Variants in CEP63 observed in about 807,000 individuals in gnomAD.
CEP63 encodes the protein centrosomal protein 63.
CEP63 carries 84 observed loss-of-function variants against 89.1 expected under a neutral mutation model. The ratio of observed to expected loss-of-function variants is 0.94; its 90% CI spans 0.79 to 1.13. The LOEUF is 1.13. Among genes scored for constraint, CEP63 ranks in the 50% most tolerant of loss-of-function variants. The pLI is 0.00. For synonymous variants in CEP63, 267 were observed against 272.5 expected, an observed-to-expected ratio of 0.98 and a Z score of 0.20; for missense variants, 838 against 813.3, an observed-to-expected ratio of 1.03 and a Z score of -0.37.
chr3:134,489,964 T>C (rs1937050527), intron 1 of CEP63, among the ~76,000 whole-genome samples: 1 of 152,198 alleles, frequency 6.6e-6, no homozygotes, highest in Non-Finnish European at 1.5e-5. Context: ...CCTATTCCAT[T>C]TGATATGACC....
chr3:134,547,452 G>A lies in CEP63; in HGVS notation c.1047G>A (p.Glu349=), dbSNP rs754219843. Residue 349 remains glutamate (E), a synonymous_variant, in exon 9 of 15, where the codon GAG becomes GAA. Coordinates refer to ENST00000675561, the MANE Select transcript of CEP63 (RefSeq NM_001353108.3). ...THTSEDLLQA[E]VTCLEGSLES... is the part of the protein sequence containing the mutation. Reference sequence around the variant, plus strand: ...CTAGTGAGGACCTTCTGCAGGCAGAGGTGACTTGTCTTGAAGGCAGGTACA... The same window carrying A: ...CTAGTGAGGACCTTCTGCAGGCAGAAGTGACTTGTCTTGAAGGCAGGTACA... 21 of 1,613,622 alleles carry A rather than the reference G, an allele frequency of 1.3e-5. No individual in the cohort carries two copies. The Middle Eastern group carries it at 4.9e-4, about 38-fold the overall frequency.
At chr3:134,775,329 C>G in the CEP63 span, among the ~76,000 whole-genome samples, 5 of 152,170 alleles carry the variant, frequency 3.3e-5, no homozygotes, top group Admixed American at 3.3e-4. Flanking sequence ...TCAGCCCAAT[C>G]CCCTGAGGGA....
downstream of CEP63, among the ~76,000 whole-genome samples, chr3:134,591,949 G>C (rs13322305): frequency 1.3e-5 from 2 of 151,974 alleles, no homozygotes; most frequent in Admixed American, 6.5e-5. Flanking sequence ...AGCTATCTAC[G>C]GCTGTGTAAC....
the CEP63 span, among the ~76,000 whole-genome samples, chr3:134,602,429 G>A: frequency 9.2e-5 from 14 of 152,178 alleles, no homozygotes; most frequent in African/African-American, 3.1e-4. Context: ...TCTCAGAGAA[G>A]GGAGGAAAGG....
the CEP63 span, among the ~76,000 whole-genome samples, chr3:134,646,924 C>T: frequency 1.3e-5 from 2 of 152,068 alleles, no homozygotes; most frequent in Non-Finnish European, 2.9e-5. Context: ...AGATCCTGGG[C>T]CTGGGGTGGC....
upstream of CEP63, chr3:134,486,016 G>A (rs954281761): frequency 2.3e-5 from 22 of 948,250 alleles, no homozygotes; most frequent in African/African-American, 4.0e-4. Context: ...CCCGCATCAC[G>A]TGTCTGCACT....
chr3:134,532,812 A>G lies in CEP63; in HGVS notation c.353A>G (p.Gln118Arg). ...CILKRSYEKLQKKQMREFRGN... is the reference protein window; with the variant it reads ...CILKRSYEKLRKKQMREFRGN... ...CTGAAGAGAAGCTATGAAAAGCTTCAGAAAAAGCAAATGAGGGAATTCAGA... is the reference window on the plus strand; with the variant it reads ...CTGAAGAGAAGCTATGAAAAGCTTCGGAAAAAGCAAATGAGGGAATTCAGA... The change falls in exon 5 of 15, where the codon CAG becomes CGG. Residue 118 changes from glutamine to arginine, a missense_variant. Coordinates refer to ENST00000675561, the MANE Select transcript of CEP63 (RefSeq NM_001353108.3). 1 of 1,610,710 alleles carries G rather than the reference A, an allele frequency of 6.2e-7. No individual in the cohort carries two copies. Among genetic ancestry groups the G allele is most frequent in the Non-Finnish European group, 8.5e-7 (1 of 1,177,182 alleles).
chr3:134,739,067 G>C, the CEP63 span, among the ~76,000 whole-genome samples: 1 of 152,154 alleles, frequency 6.6e-6, no homozygotes, highest in Admixed American at 6.5e-5. Context: ...AGCCACTTTG[G>C]AAAACAGTAT....
the CEP63 span, chr3:134,607,977 C>T: frequency 9.9e-7 from 1 of 1,014,750 alleles, no homozygotes; most frequent in Non-Finnish European, 1.2e-6. Context: ...ACATGTCCAT[C>T]TCTGTCTAGC....
chr3:134,578,990 T>TAGG (rs1958283741), downstream of CEP63, among the ~76,000 whole-genome samples: 2 of 152,158 alleles, frequency 1.3e-5, no homozygotes, highest in Non-Finnish European at 2.9e-5. Flanking sequence ...ACTTCTGACC[T>TAGG]CAAGTGATCC....
At chr3:134,764,362 C>T in the CEP63 span, among the ~76,000 whole-genome samples, 1 of 152,182 alleles carries the variant, frequency 6.6e-6, no homozygotes, top group African/African-American at 2.4e-5. Flanking sequence ...ATAGACAGTT[C>T]TTTGCCTCAC....
chr3:134,780,576 C>T, the CEP63 span: 1 of 152,186 alleles, frequency 6.6e-6, no homozygotes, highest in Non-Finnish European at 1.5e-5. Context: ...GCAGAGGAGC[C>T]GTGCTAATCT....
At chr3:134,681,572 C>T in the CEP63 span, among the ~76,000 whole-genome samples, 1 of 152,282 alleles carries the variant, frequency 6.6e-6, no homozygotes, top group East Asian at 1.9e-4. Flanking sequence ...GGAAGGACTA[C>T]TGTGAAGCTA....
chr3:134,566,504 A>G (rs941175353), downstream of CEP63, among the ~76,000 whole-genome samples: 1 of 152,166 alleles, frequency 6.6e-6, no homozygotes, highest in Non-Finnish European at 1.5e-5. Flanking sequence ...GGGGAGAGAC[A>G]TAAAATTGGA....
chr3:134,566,151 G>A (rs1401807983), downstream of CEP63, among the ~76,000 whole-genome samples: 1 of 151,278 alleles, frequency 6.6e-6, no homozygotes, highest in Non-Finnish European at 1.5e-5. Context: ...CCCTCTCTGT[G>A]AGGAACTAGA....
chr3:134,495,674 A>G (rs532101124), intron 2 of CEP63, among the ~76,000 whole-genome samples: 8 of 152,340 alleles, frequency 5.3e-5, no homozygotes, highest in African/African-American at 1.9e-4. Flanking sequence ...ATTTAACACT[A>G]GAGCTTACTC....
the CEP63 span, among the ~76,000 whole-genome samples, chr3:134,779,422 A>G: frequency 4.9e-4 from 75 of 152,266 alleles, no homozygotes; most frequent in African/African-American, 1.8e-3. Flanking sequence ...TTGTGAGCCT[A>G]TAAGCTTTCT....
At chr3:134,635,493 T>TTAAAA in the CEP63 span, among the ~76,000 whole-genome samples, 9 of 79,334 alleles carry the variant, frequency 1.1e-4, no homozygotes, top group Middle Eastern at 0.03. Context: ...CGAGACTCTG[T>TTAAAA]AAAAAAAAAA....
At chr3:134,559,916 G>T (rs1427765883) in intron 14 of CEP63, among the ~76,000 whole-genome samples, 3 of 152,198 alleles carry the variant, frequency 2.0e-5, no homozygotes, top group Non-Finnish European at 2.9e-5. Context: ...CACCATGCCG[G>T]TCCCTTGCTC....
Sources: allele counts gnomAD v4.1 joint callset (sites outside exome capture counted in the v4.1 genomes callset), GRCh38; gene constraint gnomAD v4.1.1; transcripts MANE v1.5; gene names NCBI Gene and HGNC (gene_info 2026-07-23, HGNC 2026-07-21).